Variants in DDX1 observed in about 807,000 individuals in gnomAD.
DDX1 encodes DEAD-box helicase 1.
A neutral mutation model predicts 108.7 loss-of-function variants in DDX1; 28 were observed. The ratio of observed to expected loss-of-function variants is 0.26; its 90% CI spans 0.19 to 0.35. DDX1 has a LOEUF of 0.35. Among genes scored for constraint, DDX1 ranks in the 10% least tolerant of loss-of-function variants. DDX1 has a pLI of 1.00. For synonymous variants in DDX1, 295 were observed against 288.9 expected, an observed-to-expected ratio of 1.02 and a Z score of -0.21; for missense variants, 710 against 884.5, an observed-to-expected ratio of 0.80 and a Z score of 2.50.
intron 6 of DDX1, among the ~76,000 whole-genome samples, chr2:15,601,050 T>C (rs1665582074): frequency 6.6e-6 from 1 of 152,104 alleles, no homozygotes; most frequent in Admixed American, 6.5e-5. Flanking sequence ...ACCACAGTTC[T>C]GTGAGCCAAG....
chr2:15,623,771 G>A (rs13389978), intron 19 of DDX1, among the ~76,000 whole-genome samples, 189 bp downstream of exon 19: 6 of 152,178 alleles, frequency 3.9e-5, no homozygotes, highest in South Asian at 2.1e-4. Context: ...AATTTTCCAC[G>A]TAGGTACATT....
intron 6 of DDX1, among the ~76,000 whole-genome samples, chr2:15,601,335 G>A (rs1216012675): frequency 2.0e-5 from 3 of 152,044 alleles, no homozygotes; most frequent in Non-Finnish European, 4.4e-5. Context: ...TTCTGACACC[G>A]TCTTCATGAA....
chr2:15,621,305 A>C (rs1409926316), intron 18 of DDX1, 189 bp downstream of exon 18: 1 of 544,744 alleles, frequency 1.8e-6, no homozygotes, highest in African/African-American at 2.0e-5. Context: ...TGAATCATTG[A>C]ATTTATTTTT....
At chr2:15,610,928 A>T (rs949046684) in intron 13 of DDX1, among the ~76,000 whole-genome samples, 1 of 148,126 alleles carries the variant, frequency 6.8e-6, no homozygotes, top group African/African-American at 2.5e-5. Flanking sequence ...GGTGTTTCTC[A>T]CAGAGGGGGA....
At chr2:15,597,029 G>A (rs972530250) in intron 4 of DDX1, among the ~76,000 whole-genome samples, 2 of 152,192 alleles carry the variant, frequency 1.3e-5, no homozygotes, top group Non-Finnish European at 2.9e-5. Flanking sequence ...TTAATATGAT[G>A]ACTCTTAAAA....
At position 15,596,763 on chromosome 2, in the gene DDX1, T is replaced by G. The variant is rs774934959; in HGVS notation, c.162T>G (p.Gly54=). The part of the protein sequence containing the change: ...MAAETGSGKT[G]AFSIPVIQIV... The stretch of plus-strand genomic sequence containing the variant: ...CAGAAACAGGAAGTGGCAAAACTGG[T>G]GTAAGTAATAAATTATATTTACTTT... The change falls in exon 4 of 26, where the codon GGT becomes GGG. Residue 54 remains glycine, a splice_region_variant and synonymous_variant. Transcript: ENST00000233084. 4.4e-6 allele frequency: 7 copies of G among 1,607,950 alleles called. No individual in the cohort carries two copies. In the African/African-American group the frequency reaches 8.0e-5, roughly 18 times the overall value.
intron 16 of DDX1, among the ~76,000 whole-genome samples, chr2:15,619,623 A>T (rs1344371483): frequency 2.0e-5 from 3 of 152,228 alleles, no homozygotes; most frequent in Non-Finnish European, 4.4e-5. Flanking sequence ...ACTATGTAAA[A>T]TGTTTGCTTT....
intron 21 of DDX1, 24 bp downstream of exon 21, chr2:15,628,541 G>T: frequency 6.2e-7 from 1 of 1,602,566 alleles, no homozygotes; most frequent in Non-Finnish European, 8.5e-7. Context: ...TTTTATGCCT[G>T]TAGTGTGATT....
intron 13 of DDX1, among the ~76,000 whole-genome samples, chr2:15,609,114 T>C (rs1280802139): frequency 6.6e-6 from 1 of 152,190 alleles, no homozygotes; most frequent in Non-Finnish European, 1.5e-5. Flanking sequence ...GCCTTGAGCA[T>C]ACCATGTAAC....
chr2:15,624,253 G>A (rs967784410), intron 19 of DDX1, among the ~76,000 whole-genome samples: 7 of 152,110 alleles, frequency 4.6e-5, no homozygotes, highest in African/African-American at 1.7e-4. Flanking sequence ...AAGAGTTGCA[G>A]TAGACTTTAA....
rs1665624306 is a variant in DDX1, at chr2:15,603,819, G to A, written c.481G>A (p.Asp161Asn). The A allele has an allele frequency of 6.2e-7, 1 of 1,605,586 alleles. No homozygotes were observed. The highest frequency in any genetic ancestry group is 8.5e-7 in the Non-Finnish European group (1 of 1,175,116). ...AAAATATTTTTTAAATCTAGGTACT[G>A]ACAAGTTTGGATTTGGCTTTGGTGG... ...TMQASLDLGTDKFGFGFGGTG... is the reference protein window; with the variant it reads ...TMQASLDLGTNKFGFGFGGTG... Residue 161 changes from aspartate to asparagine, a missense_variant, in exon 9 of 26, where the codon GAC becomes AAC. Physicochemically the swap from Asp to Asn is conservative, Grantham distance 23. This residue lies in a region of DDX1 where 661 missense variants were observed against 810.2 expected (regional missense o/e 0.82). Transcript: ENST00000233084.
chr2:15,597,678 G>GTGT (rs1316994655), intron 5 of DDX1, among the ~76,000 whole-genome samples: 1 of 152,060 alleles, frequency 6.6e-6, no homozygotes, highest in African/African-American at 2.4e-5. Flanking sequence ...AATACTAATA[G>GTGT]TGTTCCCTTT....
At chr2:15,620,984 C>A in intron 17 of DDX1, 81 bp from the exon 18 acceptor site, 1 of 854,996 alleles carries the variant, frequency 1.2e-6, no homozygotes, top group Non-Finnish European at 1.9e-6. Context: ...AAATATAAAT[C>A]TCCCTTTTAA....
At chr2:15,601,577 C>G (rs1665589911) in intron 6 of DDX1, among the ~76,000 whole-genome samples, 1 of 152,162 alleles carries the variant, frequency 6.6e-6, no homozygotes, top group African/African-American at 2.4e-5. Context: ...GATGCATAAG[C>G]TGAAGTACAG....
At chr2:15,613,146 A>G in intron 13 of DDX1, 78 bp from the exon 14 acceptor site, 1 of 959,418 alleles carries the variant, frequency 1.0e-6, no homozygotes, top group East Asian at 2.8e-5. Flanking sequence ...CACCTAAAAT[A>G]AATGGATGCA....
Position 15,620,292 on chromosome 2 carries a change from T to A in DDX1, c.1291T>A (p.Leu431Ile). Residue 431 changes from leucine (L) to isoleucine (I), a missense_variant, in exon 17 of 26, where the codon TTA becomes ATA. This residue lies in a region of DDX1 where 661 missense variants were observed against 810.2 expected (regional missense o/e 0.82). Coordinates refer to ENST00000233084, the MANE Select transcript of DDX1 (RefSeq NM_004939.3). ...AATGCATTTTCCTACATGGGTTGAC[T>A]TAAAAGGAGAAGACTCTGTTCCAGA... is the stretch of plus-strand genomic sequence containing the variant. ...KIMHFPTWVD[L>I]KGEDSVPDTV... The A allele has an allele frequency of 3.1e-6, 5 of 1,614,028 alleles. No homozygotes were observed. The highest frequency in any genetic ancestry group is 3.4e-6 in the Non-Finnish European group (4 of 1,179,898).
chr2:15,606,348 G>A, intron 12 of DDX1, 84 bp downstream of exon 12: 1 of 910,666 alleles, frequency 1.1e-6, no homozygotes. Context: ...CTCATAGTGA[G>A]TTACATATAC....
intron 14 of DDX1, among the ~76,000 whole-genome samples, chr2:15,613,876 G>C (rs574216751): frequency 2.5e-4 from 36 of 141,494 alleles, no homozygotes; most frequent in Non-Finnish European, 4.7e-4. Flanking sequence ...CACTCTTGTC[G>C]CCCAGGCTGG....
At chr2:15,611,904 C>T (rs1415345979) in intron 13 of DDX1, among the ~76,000 whole-genome samples, 4 of 100,206 alleles carry the variant, frequency 4.0e-5, no homozygotes, top group African/African-American at 1.1e-4. Flanking sequence ...GGCGGCTGGC[C>T]GGGCGGGGAG....
Sources: gnomAD v4.1 joint callset for allele counts (sites outside exome capture counted in the v4.1 genomes callset) on GRCh38, gnomAD v4.1.1 for gene constraint, gnomAD v4.1.1 regional missense constraint, MANE v1.5 for transcripts, NCBI Gene and HGNC (gene_info 2026-07-23, HGNC 2026-07-21) for gene names.